RBFOX1: variants seen among roughly 807,000 people sequenced by gnomAD.
RBFOX1 encodes RNA binding fox-1 homolog 1, also known as RNA binding protein fox-1 homolog 1.
Under a neutral mutation model 57.7 loss-of-function variants are expected in RBFOX1, and 8 were observed. That is an observed-to-expected ratio of 0.14 (90% CI 0.08 to 0.25). RBFOX1 has a LOEUF of 0.25. Ranked by LOEUF, RBFOX1 falls within the 10% of genes least tolerant of loss-of-function variation. The probability of loss-of-function intolerance (pLI) is 1.00; values close to 1 mark genes in which losing one functional copy is unlikely to be tolerated. For synonymous variants in RBFOX1, 326 were observed against 222.4 expected, an observed-to-expected ratio of 1.47 and a Z score of -4.15; for missense variants, 611 against 548.5, an observed-to-expected ratio of 1.11 and a Z score of -1.14.
intron 4 of RBFOX1, among the ~76,000 whole-genome samples, chr16:7,306,144 C>T (rs919798723): frequency 5.3e-5 from 8 of 151,916 alleles, no homozygotes; most frequent in African/African-American, 1.2e-4. Flanking sequence ...CAATGTTCTC[C>T]GTTCCTTTGT....
At chr16:6,422,831 A>G (rs981870893) in intron 2 of RBFOX1, among the ~76,000 whole-genome samples, 6 of 152,110 alleles carry the variant, frequency 3.9e-5, no homozygotes, top group South Asian at 2.1e-4. Context: ...GGAGACCACA[A>G]TTTGACATGA....
intron 1 of RBFOX1, chr16:5,366,080 A>T (rs964461412): frequency 2.1e-6 from 1 of 470,386 alleles, no homozygotes; most frequent in African/African-American, 2.0e-5. Flanking sequence ...AAATCATACC[A>T]CCAGTGCTCT....
chr16:6,498,659 G>C (rs988226769), intron 2 of RBFOX1, among the ~76,000 whole-genome samples: 1 of 152,168 alleles, frequency 6.6e-6, no homozygotes, highest in Admixed American at 6.5e-5. Context: ...TAAGGACTTC[G>C]ATAAGGGTTT....
intron 1 of RBFOX1, among the ~76,000 whole-genome samples, chr16:5,439,894 A>T (rs967366065): frequency 6.6e-6 from 1 of 152,212 alleles, no homozygotes; most frequent in African/African-American, 2.4e-5. Context: ...TGAGTGGTTT[A>T]GAATTTGTAA....
At chr16:5,864,465 T>C (rs1319040311) in intron 3 of RBFOX1, among the ~76,000 whole-genome samples, 2 of 152,158 alleles carry the variant, frequency 1.3e-5, no homozygotes, top group Non-Finnish European at 1.5e-5. Flanking sequence ...GTCGGTTTGA[T>C]GTATCTCCTT....
chr16:5,616,581 T>G (rs2048031049), intron 3 of RBFOX1, among the ~76,000 whole-genome samples: 1 of 148,254 alleles, frequency 6.7e-6, no homozygotes, highest in African/African-American at 2.5e-5. Context: ...CTCTCCCTTC[T>G]CCCTCTCCCT....
chr16:6,007,687 A>G (rs554393968), intron 4 of RBFOX1, among the ~76,000 whole-genome samples: 10 of 152,172 alleles, frequency 6.6e-5, no homozygotes, highest in Admixed American at 2.6e-4. Flanking sequence ...CTCAATACAT[A>G]CTTGTGGGAT....
intron 1 of RBFOX1, among the ~76,000 whole-genome samples, chr16:6,181,645 C>G (rs1426010673): frequency 6.6e-6 from 1 of 152,028 alleles, no homozygotes; most frequent in Non-Finnish European, 1.5e-5. Context: ...AGGAGGGTCC[C>G]CACATATTCA....
At chr16:7,457,141 C>G (rs1316592316) in intron 4 of RBFOX1, among the ~76,000 whole-genome samples, 1 of 152,102 alleles carries the variant, frequency 6.6e-6, no homozygotes, top group African/African-American at 2.4e-5. Context: ...CCTGCCTCAG[C>G]CTCCCAAAGT....
At chr16:7,695,790 G>A (rs761219165) in intron 14 of RBFOX1, among the ~76,000 whole-genome samples, 2 of 151,956 alleles carry the variant, frequency 1.3e-5, no homozygotes, top group Non-Finnish European at 1.5e-5. Flanking sequence ...GGATATCAGA[G>A]TTTGACAAAA....
intron 5 of RBFOX1, among the ~76,000 whole-genome samples, chr16:7,563,482 G>C (rs1249653948): frequency 6.6e-6 from 1 of 151,740 alleles, no homozygotes; most frequent in African/African-American, 2.4e-5. Context: ...TTCTTTTCTT[G>C]CTTCAAACAA....
At chr16:6,517,451 CAG>C (rs1221815257) in intron 2 of RBFOX1, among the ~76,000 whole-genome samples, 1 of 152,142 alleles carries the variant, frequency 6.6e-6, no homozygotes, top group African/African-American at 2.4e-5. Flanking sequence ...GACAGAGAAA[CAG>C]AGAATTCCCA....
intron 2 of RBFOX1, among the ~76,000 whole-genome samples, chr16:6,648,476 A>T (rs528426517): frequency 1.8e-4 from 28 of 152,298 alleles, no homozygotes; most frequent in Admixed American, 1.6e-3. Context: ...GTTATTAAAT[A>T]GTAACACCCT....
intron 2 of RBFOX1, among the ~76,000 whole-genome samples, chr16:6,450,758 T>C (rs1447593574): frequency 4.5e-5 from 2 of 44,760 alleles, no homozygotes; most frequent in Admixed American, 3.6e-4. Context: ...TATATACATA[T>C]ATATATGTGT....
intron 2 of RBFOX1, among the ~76,000 whole-genome samples, chr16:6,411,825 C>G (rs1198506156): frequency 1.3e-5 from 2 of 152,136 alleles, no homozygotes; most frequent in South Asian, 2.1e-4. Context: ...AATATTTTCT[C>G]AATAAAACAA....
At chr16:6,095,738 C>G (rs947981457) in intron 1 of RBFOX1, among the ~76,000 whole-genome samples, 2 of 151,942 alleles carry the variant, frequency 1.3e-5, no homozygotes. Flanking sequence ...GGAGTTGAGA[C>G]AGCAGAGAAA....
intron 1 of RBFOX1, among the ~76,000 whole-genome samples, chr16:6,042,285 G>C (rs1334198324): frequency 6.6e-6 from 1 of 152,016 alleles, no homozygotes; most frequent in Middle Eastern, 3.4e-3. Context: ...ATTTTTAGTA[G>C]AGACAGGGTT....
intron 2 of RBFOX1, among the ~76,000 whole-genome samples, chr16:6,401,312 G>A (rs1441841101): frequency 6.6e-6 from 1 of 152,106 alleles, no homozygotes; most frequent in Non-Finnish European, 1.5e-5. Context: ...TGAATGAAAG[G>A]CAAATGCATA....
intron 1 of RBFOX1, among the ~76,000 whole-genome samples, chr16:6,167,398 C>G (rs1280148772): frequency 6.6e-6 from 1 of 152,190 alleles, no homozygotes; most frequent in African/African-American, 2.4e-5. Flanking sequence ...ACCTGGTGTA[C>G]CCACTGGCTG....
Sources: gnomAD v4.1 joint callset for allele counts (sites outside exome capture counted in the v4.1 genomes callset) on GRCh38, gnomAD v4.1.1 for gene constraint, MANE v1.5 for transcripts, NCBI Gene and HGNC (gene_info 2026-07-23, HGNC 2026-07-21) for gene names.